The following MYOM2 variants were observed in gnomAD, a reference collection of about 807,000 sequenced individuals.
MYOM2 encodes the protein myomesin-2.
MYOM2 carries 254 observed loss-of-function variants against 187.6 expected under a neutral mutation model. The observed-to-expected ratio is 1.35, with a 90% CI of 1.22 to 1.50. The LOEUF is 1.50. Ranked by LOEUF, MYOM2 falls within the 40% of genes most tolerant of loss-of-function variation. MYOM2 has a pLI of 0.00. For synonymous variants in MYOM2, 981 were observed against 753.8 expected, an observed-to-expected ratio of 1.30 and a Z score of -4.94; for missense variants, 2,796 against 1,924.0, an observed-to-expected ratio of 1.45 and a Z score of -8.48.
chr8:2,046,894 A>G (rs1818329348), intron 1 of MYOM2, among the ~76,000 whole-genome samples: 1 of 151,878 alleles, frequency 6.6e-6, no homozygotes, highest in African/African-American at 2.4e-5. Flanking sequence ...TTTTCTTTAT[A>G]GTGTCATAAA....
chr8:2,124,209 G>C lies in MYOM2; in HGVS notation c.3686G>C (p.Arg1229Thr), dbSNP rs748628265. The C allele has an allele frequency of 5.0e-6, 8 of 1,612,658 alleles. No homozygotes were observed. The highest frequency in any genetic ancestry group is 4.5e-5 in the East Asian group (2 of 44,874). The change falls in exon 31 of 37, where the codon AGA becomes ACA. Residue 1229 changes from arginine to threonine, a missense_variant. Transcript: ENST00000262113. ...GATGATATGATTTTGGCAATGAGTA[G>C]AGTCTGTGGTAAGTAAATGCCTTTT... ...VYDDMILAMS[R>T]VCGKSASPLK...
intron 10 of MYOM2, 42 bp from the exon 11 acceptor site, chr8:2,076,099 C>T: frequency 1.3e-6 from 2 of 1,585,328 alleles, no homozygotes; most frequent in South Asian, 1.2e-5. Flanking sequence ...TGACCCCAGC[C>T]TTTAAATGAC....
intron 16 of MYOM2, 50 bp from the exon 17 acceptor site, chr8:2,093,920 G>C (rs1481643561): frequency 6.3e-7 from 1 of 1,592,688 alleles, no homozygotes; most frequent in South Asian, 1.1e-5. Context: ...TGCTGCAGGA[G>C]AGAAAAAGTG....
Position 2,069,293 on chromosome 8 carries a change from CA to C in MYOM2, c.670del (p.Thr224LeufsTer23). On this transcript the variant is annotated frameshift_variant, in exon 7 of 37. Coordinates refer to ENST00000262113, the MANE Select transcript of MYOM2 (RefSeq NM_003970.4). LOFTEE classifies it high-confidence loss of function. ...LEINRADFDD[T>X]ATYSAVATNA... ...TCTCTCCAAGGGCAGACTTTGACGA[CA>C]CTGCGACATACTCAGCAGTGGCCAC... 1 of 1,612,488 alleles carries C rather than the reference CA, an allele frequency of 6.2e-7. No homozygotes were observed. Among genetic ancestry groups the C allele is most frequent in the Non-Finnish European group, 8.5e-7 (1 of 1,179,242 alleles).
chr8:2,141,110 G>A (rs756471740), intron 33 of MYOM2, 31 bp from the exon 34 acceptor site: 2 of 1,600,472 alleles, frequency 1.2e-6, no homozygotes, highest in South Asian at 2.2e-5. Context: ...ACACTGAAAT[G>A]GTTAGTAACG....
intron 25 of MYOM2, among the ~76,000 whole-genome samples, chr8:2,114,560 T>C (rs932891551): frequency 6.6e-6 from 1 of 152,198 alleles, no homozygotes; most frequent in Non-Finnish European, 1.5e-5. Flanking sequence ...CTGCATCCTC[T>C]GCCTCCTGAG....
In MYOM2 at chr8:2,068,695, C is replaced by G. The variant is rs1295431344; in HGVS notation, c.654-583C>G. On this transcript the variant is annotated intron_variant, in intron 6 of 36. Coordinates refer to ENST00000262113, the MANE Select transcript of MYOM2 (RefSeq NM_003970.4). The stretch of plus-strand genomic sequence containing the variant: ...CTCAAGCTCCCGGACCACCTTAGAA[C>G]TCGCATGGGATGGACTGCCCCATGG... Among the ~76,000 whole-genome samples the G allele has an allele frequency of 2.6e-5, 4 of 152,224 alleles. No individual in the cohort carries two copies. In the East Asian group the frequency reaches 7.7e-4, roughly 29 times the overall value.
At chr8:2,136,975 A>C (rs1303809643) in intron 32 of MYOM2, among the ~76,000 whole-genome samples, 1 of 152,096 alleles carries the variant, frequency 6.6e-6, no homozygotes, top group African/African-American at 2.4e-5. Context: ...TGGAAACTCC[A>C]CTAGCTTTTC....
intron 18 of MYOM2, 103 bp downstream of exon 18, chr8:2,096,537 C>G (rs7815779): frequency 0.43 from 452,338 of 1,058,062 alleles, 100,480 homozygotes; most frequent in East Asian, 0.59. Context: ...GATACAGACA[C>G]AAAAATGGAT....
Position 2,116,066 on chromosome 8 carries a change from A to G in MYOM2, c.3287A>G (p.Lys1096Arg), listed in dbSNP as rs372685956. ...TACACTGTGCAGATTCATGATGGGAAAGCCAAAAGTCAGTCTTCTCTAGTT... is the reference window on the plus strand; with the variant it reads ...TACACTGTGCAGATTCATGATGGGAGAGCCAAAAGTCAGTCTTCTCTAGTT... ...GTYTVQIHDG[K>R]AKSQSSLVLI... is the part of the protein sequence containing the mutation. The change falls in exon 26 of 37, where the codon AAA (lysine) becomes AGA (arginine). Residue 1096 changes from lysine (K) to arginine (R), a missense_variant. By Grantham distance (26) the Lys-to-Arg change is conservative (BLOSUM62 2). Coordinates refer to ENST00000262113, the MANE Select transcript of MYOM2 (RefSeq NM_003970.4). The G allele has an allele frequency of 7.9e-5, 127 of 1,613,818 alleles. No individual in the cohort carries two copies. Among genetic ancestry groups the G allele is most frequent in the Non-Finnish European group, 1.1e-4 (124 of 1,179,986 alleles).
rs1382827489 is a variant in MYOM2, at chr8:2,141,136, C to T, written c.3965-5C>T. ...GTTAGTAACGTATGAACTATTTCCTCACAGCTTTTGATGAAGCATTTGCAG... is the reference window on the plus strand; with the variant it reads ...GTTAGTAACGTATGAACTATTTCCTTACAGCTTTTGATGAAGCATTTGCAG... On this transcript the variant is annotated splice_polypyrimidine_tract_variant and splice_region_variant and intron_variant, in intron 33 of 36. Transcript: ENST00000262113. 1.9e-6 allele frequency: 3 copies of T among 1,611,238 alleles called. No individual in the cohort carries two copies. The highest frequency in any genetic ancestry group is 3.3e-5 in the Admixed American group (2 of 59,904).
intron 8 of MYOM2, among the ~76,000 whole-genome samples, chr8:2,070,130 T>A (rs1328494953): frequency 6.6e-6 from 1 of 152,142 alleles, no homozygotes; most frequent in Non-Finnish European, 1.5e-5. Flanking sequence ...GGTGAGGCGG[T>A]CCCCATGAGG....
chr8:2,127,598 G>A lies in MYOM2; in HGVS notation c.3695-1529G>A, dbSNP rs952002898. 2.2e-4 allele frequency: 37 copies of A among 165,206 alleles called. 5 individuals carry two copies. The highest frequency in any genetic ancestry group is 6.5e-4 in the Admixed American group (10 of 15,298). The allele number at this position is 165,206 out of a possible 1,614,324, so 10.2% of individuals were successfully genotyped here. ...CAGTACCTCGGCGTGACGCGGTGACGCAGCCGCAGGCAGGCAGTACCTCGG... is the reference window on the plus strand; with the variant it reads ...CAGTACCTCGGCGTGACGCGGTGACACAGCCGCAGGCAGGCAGTACCTCGG... On this transcript the variant is annotated intron_variant, in intron 31 of 36. Coordinates refer to ENST00000262113, the MANE Select transcript of MYOM2 (RefSeq NM_003970.4).
chr8:2,075,676 A>T (rs2129335755), intron 10 of MYOM2, among the ~76,000 whole-genome samples: 1 of 152,378 alleles, frequency 6.6e-6, no homozygotes, highest in Admixed American at 6.5e-5. Context: ...GAAACGAATG[A>T]TGCAATATTG....
Position 2,072,373 on chromosome 8 carries a change from G to T in MYOM2, c.822G>T (p.Thr274=), listed in dbSNP as rs767922685. 1.9e-6 allele frequency: 3 copies of T among 1,614,096 alleles called. No homozygotes were observed. Among genetic ancestry groups the T allele is most frequent in the South Asian group, 2.2e-5 (2 of 91,084 alleles). ...GLPLSSMIPY[T]HFDVQFLEKF... Reference sequence around the variant, plus strand: ...CCCTGTCATCGATGATTCCGTACACGCACTTCGACGTCCAGTTTTTGGAGA... The same window carrying T: ...CCCTGTCATCGATGATTCCGTACACTCACTTCGACGTCCAGTTTTTGGAGA... Residue 274 remains threonine (T), a synonymous_variant, in exon 9 of 37, where the codon ACG becomes ACT. Coordinates refer to ENST00000262113, the MANE Select transcript of MYOM2 (RefSeq NM_003970.4).
At chr8:2,100,153 C>CTTCT (rs1796654345) in intron 19 of MYOM2, among the ~76,000 whole-genome samples, 3 of 137,412 alleles carry the variant, frequency 2.2e-5, no homozygotes, top group Admixed American at 7.3e-5. Flanking sequence ...TCCTTCCTTC[C>CTTCT]TTCCTTCCTT....
chr8:2,075,895 GA>G (rs1266068336), intron 10 of MYOM2, among the ~76,000 whole-genome samples: 1 of 152,170 alleles, frequency 6.6e-6, no homozygotes, highest in Non-Finnish European at 1.5e-5. Context: ...ATCTAATGAC[GA>G]AAAATTGTAG....
chr8:2,072,469 C>A lies in MYOM2; in HGVS notation c.918C>A (p.Asp306Glu). ...AGTGCACCATGCTGGTGACGCCGGA[C>A]CTGAAGCGGGTGCAGCCGCGCGCCG... ...TLKCTMLVTP[D>E]LKRVQPRAEW... The change falls in exon 9 of 37, where the codon GAC becomes GAA. Residue 306 changes from aspartate to glutamate, a missense_variant. Transcript: ENST00000262113. 1 of 1,614,030 alleles carries A rather than the reference C, an allele frequency of 6.2e-7. No individual in the cohort carries two copies. Among genetic ancestry groups the A allele is most frequent in the Non-Finnish European group, 8.5e-7 (1 of 1,180,032 alleles).
intron 17 of MYOM2, among the ~76,000 whole-genome samples, chr8:2,094,524 C>T (rs1972886): frequency 0.58 from 88,290 of 151,874 alleles, 27,255 homozygotes; most frequent in South Asian, 0.76. Context: ...TGGTGGCGGG[C>T]GCCTGTAGTC....
Sources: allele counts gnomAD v4.1 joint callset (sites outside exome capture counted in the v4.1 genomes callset), GRCh38; gene constraint gnomAD v4.1.1; transcripts MANE v1.5; gene names NCBI Gene and HGNC (gene_info 2026-07-23, HGNC 2026-07-21).